The following SPECC1 variants were observed in gnomAD, a reference collection of about 807,000 sequenced individuals.
SPECC1 encodes cytospin-B.
SPECC1 carries 62 observed loss-of-function variants against 104.1 expected under a neutral mutation model. The ratio of observed to expected loss-of-function variants is 0.60; its 90% CI spans 0.49 to 0.74. The LOEUF is 0.74. Ranked by LOEUF, SPECC1 falls within the 30% of genes least tolerant of loss-of-function variation. The pLI is 0.00. For synonymous variants in SPECC1, 513 were observed against 501.6 expected (o/e 1.02, Z -0.30); for missense variants, 1,306 against 1,310.5 (o/e 1.00, Z 0.05).
At chr17:20,286,746 G>A (rs1349599469) in intron 12 of SPECC1, among the ~76,000 whole-genome samples, 1 of 152,194 alleles carries the variant, frequency 6.6e-6, no homozygotes, top group African/African-American at 2.4e-5. Flanking sequence ...ACTGCAGTGG[G>A]ACTGGATCTT....
chr17:20,047,737 A>G lies in SPECC1; in HGVS notation c.-22+38313A>G, dbSNP rs992869735. On this transcript the variant is annotated intron_variant, in intron 1 of 14. Transcript: ENST00000395527. ...CTCAGTCTCCCGAGTAGTTGGGACT[A>G]CAGGTGCCTGCCACCACGCCTGGCT... Among the ~76,000 whole-genome samples the G allele has an allele frequency of 2.6e-5, 4 of 151,948 alleles. No homozygotes were observed. In the East Asian group the frequency reaches 7.8e-4, roughly 29 times the overall value.
At chr17:20,016,820 C>T (rs901167496) in intron 1 of SPECC1, among the ~76,000 whole-genome samples, 13 of 152,250 alleles carry the variant, frequency 8.5e-5, no homozygotes, top group East Asian at 1.9e-4. Context: ...GCGCAGGGCG[C>T]GGGACTGGCA....
intron 7 of SPECC1, among the ~76,000 whole-genome samples, chr17:20,234,679 T>TGA (rs958821778): frequency 1.3e-5 from 2 of 152,200 alleles, no homozygotes; most frequent in Non-Finnish European, 2.9e-5. Flanking sequence ...CAAGGACAAC[T>TGA]GAGAGAAGGT....
At chr17:20,225,587 C>T (rs1161640389) in intron 4 of SPECC1, among the ~76,000 whole-genome samples, 2 of 152,108 alleles carry the variant, frequency 1.3e-5, no homozygotes, top group Non-Finnish European at 2.9e-5. Flanking sequence ...TTCCCTCCCC[C>T]GGGGTGCACA....
At chr17:20,097,123 C>T (rs1253945702) in intron 2 of SPECC1, among the ~76,000 whole-genome samples, 5 of 152,124 alleles carry the variant, frequency 3.3e-5, no homozygotes, top group African/African-American at 7.2e-5. Context: ...ATCTTTGCAG[C>T]CCCCCACAAT....
intron 1 of SPECC1, among the ~76,000 whole-genome samples, chr17:20,076,232 C>T (rs1046692068): frequency 3.3e-5 from 5 of 152,244 alleles, no homozygotes; most frequent in African/African-American, 7.2e-5. Flanking sequence ...CAGAGTCTCA[C>T]TCTGTCGCCT....
At chr17:20,201,728 TTAAA>T (rs1181511424) in intron 3 of SPECC1, among the ~76,000 whole-genome samples, 14 of 152,212 alleles carry the variant, frequency 9.2e-5, no homozygotes, top group East Asian at 5.8e-4. Flanking sequence ...ACAAGAATAA[TTAAA>T]TAAGTCTTTT....
chr17:20,199,894 A>T (rs185173253), intron 3 of SPECC1, among the ~76,000 whole-genome samples: 5 of 152,164 alleles, frequency 3.3e-5, no homozygotes, highest in Admixed American at 2.6e-4. Flanking sequence ...GCTTTAAGTG[A>T]TTCTCTTGCC....
intron 14 of SPECC1, among the ~76,000 whole-genome samples, chr17:20,306,746 T>G (rs1292792547): frequency 6.6e-6 from 1 of 152,228 alleles, no homozygotes; most frequent in Non-Finnish European, 1.5e-5. Context: ...AGAGTCCAAA[T>G]TTATAATATC....
At chr17:20,243,857 A>G (rs1402017883) in intron 7 of SPECC1, among the ~76,000 whole-genome samples, 1 of 152,210 alleles carries the variant, frequency 6.6e-6, no homozygotes, top group Non-Finnish European at 1.5e-5. Flanking sequence ...AAAGAATGAA[A>G]TGTAAAATGA....
intron 3 of SPECC1, among the ~76,000 whole-genome samples, chr17:20,113,995 G>A (rs566689761): frequency 1.3e-3 from 192 of 152,262 alleles, no homozygotes; most frequent in Middle Eastern, 6.8e-3. Flanking sequence ...TGGTAGAGTT[G>A]CCTGTTAAAA....
intron 3 of SPECC1, among the ~76,000 whole-genome samples, chr17:20,170,630 T>A (rs1320597380): frequency 1.3e-5 from 2 of 152,210 alleles, no homozygotes; most frequent in Non-Finnish European, 2.9e-5. Context: ...CAGTCTTTCA[T>A]AAGTATTTGT....
intron 11 of SPECC1, 78 bp from the exon 12 acceptor site, chr17:20,260,114 A>G (rs1311072785): frequency 8.8e-7 from 1 of 1,138,434 alleles, no homozygotes; most frequent in Non-Finnish European, 1.3e-6. Flanking sequence ...TTTCTAAAGT[A>G]GGTATTTATT....
chr17:20,234,790 G>A (rs749252817), intron 7 of SPECC1, among the ~76,000 whole-genome samples: 1 of 152,196 alleles, frequency 6.6e-6, no homozygotes, highest in Non-Finnish European at 1.5e-5. Context: ...CAGCCAGGCT[G>A]ATAAGCACGA....
intron 1 of SPECC1, chr17:20,017,742 T>A (rs535057039): frequency 6.6e-6 from 1 of 152,394 alleles, no homozygotes; most frequent in Admixed American, 6.5e-5. Flanking sequence ...GTCTTCATCC[T>A]GTGTTTTTAT....
In SPECC1 at chr17:20,253,879, C is replaced by T. The variant is rs117945026; in HGVS notation, c.2680+293C>T. On this transcript the variant is annotated intron_variant, in intron 10 of 14. Coordinates refer to ENST00000395527, the MANE Select transcript of SPECC1 (RefSeq NM_001243439.2). The stretch of plus-strand genomic sequence containing the variant: ...ACATGGTCTTGCTTTGTTTCCCAGG[C>T]TGGTCTCAAACTCCTGGTCTCAAGT... Among the ~76,000 whole-genome samples, 2,847 of 151,908 alleles carry T rather than the reference C, an allele frequency of 0.019. 81 individuals carry two copies. Among genetic ancestry groups the T allele is most frequent in the East Asian group, 0.085 (437 of 5,164 alleles).
chr17:20,015,836 G>A (rs1259426420), intron 1 of SPECC1, among the ~76,000 whole-genome samples: 2 of 149,414 alleles, frequency 1.3e-5, no homozygotes, highest in Non-Finnish European at 3.0e-5. Flanking sequence ...CGCCCGCCTC[G>A]GCCTCCCAAA....
chr17:20,287,373 C>T (rs974701080), intron 12 of SPECC1, among the ~76,000 whole-genome samples: 5 of 134,080 alleles, frequency 3.7e-5, no homozygotes, highest in Admixed American at 1.7e-4. Context: ...GCCGAGATTG[C>T]GCCACTGCAG....
intron 1 of SPECC1, among the ~76,000 whole-genome samples, chr17:20,041,876 C>T (rs779550796): frequency 2.6e-5 from 4 of 152,046 alleles, no homozygotes; most frequent in African/African-American, 9.7e-5. Flanking sequence ...CCACCTGCCT[C>T]GGCCTCCCAA....
Sources: allele counts gnomAD v4.1 joint callset (sites outside exome capture counted in the v4.1 genomes callset), GRCh38; gene constraint gnomAD v4.1.1; transcripts MANE v1.5; gene names NCBI Gene and HGNC (gene_info 2026-07-23, HGNC 2026-07-21).